The following YTHDC1 variants were observed in gnomAD, a reference collection of about 807,000 sequenced individuals.
YTHDC1 encodes YTH domain-containing protein 1.
A neutral mutation model predicts 107.0 loss-of-function variants in YTHDC1; 12 were observed. The ratio of observed to expected loss-of-function variants is 0.11; its 90% CI spans 0.07 to 0.18. YTHDC1 has a LOEUF of 0.18. YTHDC1 is among the 10% of genes least tolerant of loss of function. The pLI, the probability that YTHDC1 is intolerant of heterozygous loss-of-function variation, is 1.00. For synonymous variants in YTHDC1, 280 were observed against 289.5 expected (o/e 0.97, Z 0.33); for missense variants, 635 against 898.8 (o/e 0.71, Z 3.75).
rs1296896768 is a variant in YTHDC1, at chr4:68,313,829, G to GA, written c.*269dup. 2.2e-5 allele frequency: 10 copies of GA among 460,206 alleles called. No homozygotes were observed. Among genetic ancestry groups the GA allele is most frequent in the African/African-American group, 1.9e-4 (10 of 51,312 alleles). 28.5% of individuals were successfully genotyped at this position (460,206 alleles called of 1,614,324 possible). A position where few individuals can be genotyped will look rare whatever the true frequency, so the allele number is the denominator to read the frequency against. On this transcript the variant is annotated 3_prime_UTR_variant, in exon 17 of 17. Coordinates refer to ENST00000344157, the MANE Select transcript of YTHDC1 (RefSeq NM_001031732.4). Reference sequence around the variant, plus strand: ...AACACACTATAAGAACATTTATGGAGAAAGAATCAGTATCTACATTCTTGG... The same window carrying GA: ...AACACACTATAAGAACATTTATGGAGAAAAGAATCAGTATCTACATTCTTGG...
intron 9 of YTHDC1, among the ~76,000 whole-genome samples, chr4:68,325,220 GCACA>G (rs372626863): frequency 1.3e-5 from 2 of 152,016 alleles, no homozygotes; most frequent in African/African-American, 4.8e-5. Flanking sequence ...AGAAAAATAA[GCACA>G]CACAATTTTC....
chr4:68,349,635 C>A, intron 1 of YTHDC1, 91 bp downstream of exon 1: 2 of 272,426 alleles, frequency 7.3e-6, no homozygotes, highest in East Asian at 1.1e-4. Flanking sequence ...TCCCCAACCC[C>A]CACCCCCCAC....
chr4:68,332,462 T>G (rs1207923380), intron 6 of YTHDC1, among the ~76,000 whole-genome samples: 5 of 152,104 alleles, frequency 3.3e-5, no homozygotes, highest in Non-Finnish European at 4.4e-5. Context: ...TTACCAAGTT[T>G]TATAGATTTT....
intron 9 of YTHDC1, among the ~76,000 whole-genome samples, chr4:68,329,548 A>G (rs1253475542): frequency 2.0e-5 from 3 of 152,190 alleles, no homozygotes; most frequent in Non-Finnish European, 1.5e-5. Flanking sequence ...TCAGTGTTCA[A>G]AATAAGCCTG....
intron 15 of YTHDC1, among the ~76,000 whole-genome samples, chr4:68,316,845 C>T (rs1721912789): frequency 6.6e-6 from 1 of 152,206 alleles, no homozygotes; most frequent in South Asian, 2.1e-4. Context: ...TATAGTCACA[C>T]TACTGTTAAA....
In YTHDC1 at chr4:68,313,236, T is replaced by C. The variant is rs2293594; in HGVS notation, c.*863A>G. ...AAAAAAGCAAATGGGGTTCCTAAAA[T>C]TCCTGAACAAAAAGCATGCTTTTAT... is the stretch of plus-strand genomic sequence containing the variant. On this transcript the variant is annotated 3_prime_UTR_variant, in exon 17 of 17. Coordinates refer to ENST00000344157, the MANE Select transcript of YTHDC1 (RefSeq NM_001031732.4). The C allele has an allele frequency of 0.23, 34,989 of 152,302 alleles. 4,685 individuals carry two copies. The highest frequency in any genetic ancestry group is 0.56 in the East Asian group (2,905 of 5,180). The allele number at this position is 152,302 out of a possible 1,614,324, so 9.4% of individuals were successfully genotyped here.
intron 1 of YTHDC1, 129 bp downstream of exon 1, chr4:68,349,597 C>CGTATCATCAAA: frequency 7.1e-7 from 1 of 1,410,350 alleles, no homozygotes. Context: ...CGGTGGGGGC[C>CGTATCATCAAA]ACCGGCTCCT....
intron 15 of YTHDC1, among the ~76,000 whole-genome samples, chr4:68,318,035 AC>A (rs1302238325): frequency 2.6e-5 from 4 of 152,220 alleles, no homozygotes; most frequent in African/African-American, 9.6e-5. Context: ...TGTACTATTA[AC>A]ACAAATGAGC....
Position 68,322,669 on chromosome 4 carries a change from C to A in YTHDC1, c.1601+80G>T. 1 of 1,489,140 alleles carries A rather than the reference C, an allele frequency of 6.7e-7. No homozygotes were observed. Among genetic ancestry groups the A allele is most frequent in the Admixed American group, 1.9e-5 (1 of 51,808 alleles). The allele number at this position is 1,489,140 out of a possible 1,614,324, so 92.2% of individuals were successfully genotyped here. On this transcript the variant is annotated intron_variant, in intron 11 of 16. Transcript: ENST00000344157. This position sits in a 1 kb window ranked among gnomAD's most constrained non-coding sequence, Gnocchi z 4.8. ...TTTCTCTTTCTTCTTTACCGCAGGACAAACTTTTGACGAATCATATTCCTC... is the reference window on the plus strand; with the variant it reads ...TTTCTCTTTCTTCTTTACCGCAGGAAAAACTTTTGACGAATCATATTCCTC...
At chr4:68,324,479 C>T (rs980435222) in intron 9 of YTHDC1, among the ~76,000 whole-genome samples, 1 of 152,220 alleles carries the variant, frequency 6.6e-6, no homozygotes. Flanking sequence ...CTGCTCTCTT[C>T]TCTGAGCCTG....
chr4:68,346,520 T>C lies in YTHDC1; in HGVS notation c.28+3206A>G, dbSNP rs184968653. Among the ~76,000 whole-genome samples, 310 of 152,320 alleles carry C rather than the reference T, an allele frequency of 2.0e-3. 1 individual carries two copies. Among genetic ancestry groups the C allele is most frequent in the Non-Finnish European group, 3.1e-3 (214 of 68,020 alleles). ...AATGGAGAATTCCAGAAATAATTCA[T>C]AAGTTTTAAATTGTGCGCTAAGTAG... On this transcript the variant is annotated intron_variant, in intron 1 of 16. Coordinates refer to ENST00000344157, the MANE Select transcript of YTHDC1 (RefSeq NM_001031732.4).
At chr4:68,342,899 CT>C (rs34583752) in intron 1 of YTHDC1, among the ~76,000 whole-genome samples, 124,102 of 151,882 alleles carry the variant, frequency 0.82, 51,019 homozygotes, top group East Asian at 0.97. Context: ...GGTTGACTTT[CT>C]TTTAACCTAC....
intron 1 of YTHDC1, among the ~76,000 whole-genome samples, chr4:68,339,402 C>T (rs540823062): frequency 1.3e-5 from 2 of 152,180 alleles, no homozygotes; most frequent in South Asian, 4.2e-4. Context: ...ACACAGCCCA[C>T]AATATTGGAC....
chr4:68,317,802 G>A lies in YTHDC1; in HGVS notation c.1824+717C>T, dbSNP rs546830841. 4.6e-5 allele frequency among the ~76,000 whole-genome samples: 7 copies of A among 152,266 alleles called. No homozygotes were observed. In the South Asian group the frequency reaches 1.5e-3, roughly 32 times the overall value. On this transcript the variant is annotated intron_variant, in intron 15 of 16. Transcript: ENST00000344157. Reference sequence around the variant, plus strand: ...AATTTCATTCACCATGATATAATCAGAACAAGCACAGTGCCTTGCACAGAG... The same window carrying A: ...AATTTCATTCACCATGATATAATCAAAACAAGCACAGTGCCTTGCACAGAG...
Position 68,337,066 on chromosome 4 carries a change from C to G in YTHDC1, c.844G>C (p.Asp282His). The G allele has an allele frequency of 3.1e-6, 5 of 1,613,696 alleles. No individual in the cohort carries two copies. The highest frequency in any genetic ancestry group is 4.2e-6 in the Non-Finnish European group (5 of 1,179,772). The change falls in exon 4 of 17, where the codon GAT becomes CAT. Residue 282 changes from aspartate (D) to histidine (H), a missense_variant. By Grantham distance (81) the Asp-to-His change is moderately conservative. Coordinates refer to ENST00000344157, the MANE Select transcript of YTHDC1 (RefSeq NM_001031732.4). ...DSGSESVSFT[D>H]GSVRSGSGTD... ...CCTGAACCAGATCTGACAGACCCAT[C>G]TGTGAAGGAAACAGATTCAGAACCA...
chr4:68,330,908 GAAT>G (rs1211445175), intron 7 of YTHDC1, among the ~76,000 whole-genome samples: 1 of 152,010 alleles, frequency 6.6e-6, no homozygotes, highest in Non-Finnish European at 1.5e-5. Context: ...AAAAGAAATG[GAAT>G]AATAAGGCAG....
In YTHDC1 at chr4:68,312,978, TTTA is replaced by T. The variant is rs1721420292; in HGVS notation, c.*1118_*1120del. On this transcript the variant is annotated 3_prime_UTR_variant, in exon 17 of 17. Transcript: ENST00000344157. The stretch of plus-strand genomic sequence containing the variant: ...CTAATACAAGAGGGTTAAAAGTCCA[TTTA>T]TGAAGTAAAGTAGAAAGCATGTACA... 1 of 152,184 alleles carries T rather than the reference TTTA, an allele frequency of 6.6e-6. No individual in the cohort carries two copies. Among genetic ancestry groups the T allele is most frequent in the Non-Finnish European group, 1.5e-5 (1 of 68,014 alleles). 9.4% of individuals were successfully genotyped at this position (152,184 alleles called of 1,614,324 possible). A position where few individuals can be genotyped will look rare whatever the true frequency, so the allele number is the denominator to read the frequency against.
chr4:68,328,888 T>C (rs181744387), intron 9 of YTHDC1, among the ~76,000 whole-genome samples: 13 of 152,338 alleles, frequency 8.5e-5, no homozygotes, highest in African/African-American at 2.9e-4. Context: ...TGTTACTGTA[T>C]TGAATAGTGT....
In YTHDC1 at chr4:68,332,212, A is replaced by G. The variant is rs1723664889; in HGVS notation, c.1028-15T>C. 6.4e-7 allele frequency: 1 copy of G among 1,561,722 alleles called. No individual in the cohort carries two copies. Among genetic ancestry groups the G allele is most frequent in the Non-Finnish European group, 8.7e-7 (1 of 1,146,490 alleles). The stretch of plus-strand genomic sequence containing the variant: ...ACTGGTTTGATCTGAAAAAAAAAGA[A>G]ACCCAAATCGATTAACCACAAGCCA... On this transcript the variant is annotated splice_polypyrimidine_tract_variant and intron_variant, in intron 6 of 16. Transcript: ENST00000344157.
Sources: allele counts gnomAD v4.1 joint callset (sites outside exome capture counted in the v4.1 genomes callset), GRCh38; gene constraint gnomAD v4.1.1; non-coding constraint Gnocchi (gnomAD v3.1); transcripts MANE v1.5; gene names NCBI Gene and HGNC (gene_info 2026-07-23, HGNC 2026-07-21).